Variants in POMP observed in about 807,000 individuals in gnomAD.
POMP encodes the protein proteasome maturation protein.
In POMP, 12 loss-of-function variants were observed where a neutral mutation model predicts 20.6. That is an observed-to-expected ratio of 0.58 (90% CI 0.37 to 0.94). The LOEUF is 0.94. Among genes scored for constraint, POMP ranks in the 40% least tolerant of loss-of-function variants. The probability of loss-of-function intolerance (pLI) is 0.01; values close to 1 mark genes in which losing one functional copy is unlikely to be tolerated. For missense variants in POMP, 136 were observed against 161.1 expected, an observed-to-expected ratio of 0.84 and a Z score of 0.84; for synonymous variants, 53 against 55.0, an observed-to-expected ratio of 0.96 and a Z score of 0.16.
At chr13:28,676,031 TTC>T (rs1649361901) in intron 5 of POMP, among the ~76,000 whole-genome samples, 2 of 152,018 alleles carry the variant, frequency 1.3e-5, no homozygotes, top group Admixed American at 1.3e-4. Flanking sequence ...TTTGTTTTTT[TTC>T]TCTCTCTGTC....
rs557129997 is a variant in POMP, at chr13:28,678,309, A to G, written c.*207A>G. ...AAGGGAGATCATGTTAAAGCTCTTA[A>G]TTTATATTAAAACAGTAGCCTTTGT... is the stretch of plus-strand genomic sequence containing the variant. On this transcript the variant is annotated 3_prime_UTR_variant, in exon 6 of 6. Transcript: ENST00000380842. 25 of 566,858 alleles carry G rather than the reference A, an allele frequency of 4.4e-5. No individual in the cohort carries two copies. The highest frequency in any genetic ancestry group is 7.9e-5 in the Non-Finnish European group (25 of 317,532). The allele number at this position is 566,858 out of a possible 1,614,324, so 35.1% of individuals were successfully genotyped here. A position where few individuals can be genotyped will look rare whatever the true frequency, so the allele number is the denominator to read the frequency against.
chr13:28,664,963 G>T (rs1215503845), intron 3 of POMP, among the ~76,000 whole-genome samples: 1 of 152,166 alleles, frequency 6.6e-6, no homozygotes, highest in Non-Finnish European at 1.5e-5. Flanking sequence ...ACTAGGCACA[G>T]TAGGTACTTC....
At chr13:28,661,922 C>G (rs1451460212) in intron 1 of POMP, among the ~76,000 whole-genome samples, 1 of 152,148 alleles carries the variant, frequency 6.6e-6, no homozygotes, top group East Asian at 1.9e-4. Context: ...GTTATACACT[C>G]TAACCTAAGG....
At position 28,673,904 on chromosome 13, in the gene POMP, TGGG is replaced by T. The variant is rs556898854; in HGVS notation, c.358+1475_358+1477del. Among the ~76,000 whole-genome samples, 1,355 of 152,220 alleles carry T rather than the reference TGGG, an allele frequency of 8.9e-3. 6 individuals carry two copies. Among genetic ancestry groups the T allele is most frequent in the Non-Finnish European group, 0.013 (883 of 67,994 alleles). On this transcript the variant is annotated intron_variant, in intron 5 of 5. Coordinates refer to ENST00000380842, the MANE Select transcript of POMP (RefSeq NM_015932.6). ...CAAAACAAATATCTGTGCTTTCAAA[TGGG>T]GGAGATAAACACATAAACACAAATA...
At chr13:28,676,079 ACTGCAAGCTCTGC>A (rs1884622793) in intron 5 of POMP, among the ~76,000 whole-genome samples, 1 of 151,778 alleles carries the variant, frequency 6.6e-6, no homozygotes, top group African/African-American at 2.4e-5. Context: ...ATCTCTGCTC[ACTGCAAGCTCTGC>A]CTCCCGGGTT....
At chr13:28,675,957 T>C (rs1314952613) in intron 5 of POMP, among the ~76,000 whole-genome samples, 1 of 152,124 alleles carries the variant, frequency 6.6e-6, no homozygotes, top group East Asian at 1.9e-4. Flanking sequence ...ATCCATGAAG[T>C]GTTCAACTCT....
chr13:28,670,452 CT>C (rs1313583723), intron 4 of POMP, among the ~76,000 whole-genome samples: 1 of 152,200 alleles, frequency 6.6e-6, no homozygotes, highest in Admixed American at 6.5e-5. Context: ...ATCTGGATTA[CT>C]GCAACACTCA....
chr13:28,672,932 TTG>T, intron 5 of POMP, among the ~76,000 whole-genome samples: 1 of 152,172 alleles, frequency 6.6e-6, no homozygotes, highest in Non-Finnish European at 1.5e-5. Context: ...GGTGTTGTTT[TTG>T]TGTGTTTAGT....
chr13:28,666,112 A>T (rs1884441114), intron 3 of POMP, among the ~76,000 whole-genome samples: 1 of 152,204 alleles, frequency 6.6e-6, no homozygotes, highest in Non-Finnish European at 1.5e-5. Context: ...GATAAAATAG[A>T]CCAAAGTCTA....
chr13:28,678,473 T>A lies in POMP; in HGVS notation c.*371T>A, dbSNP rs1884669560. The A allele has an allele frequency of 8.9e-6, 2 of 224,840 alleles. No individual in the cohort carries two copies. Among genetic ancestry groups the A allele is most frequent in the Non-Finnish European group, 1.8e-5 (2 of 111,770 alleles). 13.9% of individuals were successfully genotyped at this position (224,840 alleles called of 1,614,324 possible). On this transcript the variant is annotated 3_prime_UTR_variant, in exon 6 of 6. Transcript: ENST00000380842. ...GTCTATAAACTTTATAGTAGCATCT[T>A]TCAGAATAAACATTTTTAATTGATT...
chr13:28,659,138 C>T lies in POMP; in HGVS notation c.-47C>T, dbSNP rs759869912. The T allele has an allele frequency of 1.8e-5, 28 of 1,567,860 alleles. No individual in the cohort carries two copies. The South Asian group carries it at 2.8e-4, about 16-fold the overall frequency. The stretch of plus-strand genomic sequence containing the variant: ...CGGAAACGGAAGTGAGCGGCGGGGT[C>T]GACTGACGGTAACGGGGCAGAGAGG... On this transcript the variant is annotated 5_prime_UTR_variant, in exon 1 of 6. Coordinates refer to ENST00000380842, the MANE Select transcript of POMP (RefSeq NM_015932.6).
At position 28,662,508 on chromosome 13, in the gene POMP, G is replaced by T; in HGVS notation, c.101+1G>T. Reference sequence around the variant, plus strand: ...AAAGTCATGATCTTCTTCGGAAAGGGTATATGGGGGAGTTATGACTTTGAT... The same window carrying T: ...AAAGTCATGATCTTCTTCGGAAAGGTTATATGGGGGAGTTATGACTTTGAT... On this transcript the variant is annotated splice_donor_variant, in intron 2 of 5. Transcript: ENST00000380842. LOFTEE classifies it high-confidence loss of function. The T allele has an allele frequency of 6.2e-7, 1 of 1,601,012 alleles. No homozygotes were observed. The highest frequency in any genetic ancestry group is 8.6e-7 in the Non-Finnish European group (1 of 1,168,082).
chr13:28,671,956 C>G (rs144470010), intron 4 of POMP, among the ~76,000 whole-genome samples: 2,230 of 152,212 alleles, frequency 0.015, 49 homozygotes, highest in African/African-American at 0.051. Flanking sequence ...AGTTTGAGAC[C>G]AGCCTAAGCA....
chr13:28,659,323 C>A, intron 1 of POMP, 136 bp downstream of exon 1: 1 of 1,404,200 alleles, frequency 7.1e-7, no homozygotes, highest in Non-Finnish European at 9.7e-7. Context: ...CCTCAGGCGC[C>A]ATAATCTGTC....
chr13:28,674,336 G>C (rs868182019), intron 5 of POMP, among the ~76,000 whole-genome samples: 1 of 152,214 alleles, frequency 6.6e-6, no homozygotes, highest in African/African-American at 2.4e-5. Context: ...TACATTGAGT[G>C]TGTTACGTTA....
At chr13:28,677,941 GT>G in intron 5 of POMP, 93 bp from the exon 6 acceptor site, 1 of 1,333,240 alleles carries the variant, frequency 7.5e-7, no homozygotes, top group Non-Finnish European at 1.1e-6. Context: ...CTTTAGGTTA[GT>G]TTTGACTCTT....
chr13:28,662,290 G>C (rs887489063), intron 1 of POMP, 120 bp from the exon 2 acceptor site: 3 of 682,296 alleles, frequency 4.4e-6, no homozygotes, highest in African/African-American at 1.8e-5. Context: ...TGTCTAGTCT[G>C]GACTTTTTGA....
chr13:28,676,021 TTTG>T (rs1884621762), intron 5 of POMP, among the ~76,000 whole-genome samples: 1 of 152,040 alleles, frequency 6.6e-6, no homozygotes, highest in Non-Finnish European at 1.5e-5. Flanking sequence ...ATCACATGGC[TTTG>T]TTTTTTTTCT....
At chr13:28,659,307 G>GGCCGGCCTCAGGCGCCATAATCTGTCGA in intron 1 of POMP, 120 bp downstream of exon 1, 1 of 1,484,324 alleles carries the variant, frequency 6.7e-7, no homozygotes, top group Non-Finnish European at 9.1e-7. Flanking sequence ...GTGGGGCTGA[G>GGCCGGCCTCAGGCGCCATAATCTGTCGA]GCCGGCCTCA....
Sources: allele counts gnomAD v4.1 joint callset (sites outside exome capture counted in the v4.1 genomes callset), GRCh38; gene constraint gnomAD v4.1.1; transcripts MANE v1.5; gene names NCBI Gene and HGNC (gene_info 2026-07-23, HGNC 2026-07-21).